The following ARHGAP44 variants were observed in gnomAD, a reference collection of about 807,000 sequenced individuals.
ARHGAP44 encodes rho GTPase-activating protein 44.
Under a neutral mutation model 106.8 loss-of-function variants are expected in ARHGAP44, and 43 were observed. The ratio of observed to expected loss-of-function variants is 0.40; its 90% confidence interval spans 0.32 to 0.52. ARHGAP44 has a LOEUF of 0.52. Among genes scored for constraint, ARHGAP44 ranks in the 20% least tolerant of loss-of-function variants. The pLI is 0.48. For synonymous variants in ARHGAP44, 439 were observed against 410.3 expected (o/e 1.07, Z -0.85); for missense variants, 866 against 1,050.5 (o/e 0.82, Z 2.43).
At chr17:12,794,968 A>G (rs1273218048) in intron 1 of ARHGAP44, among the ~76,000 whole-genome samples, 5 of 151,956 alleles carry the variant, frequency 3.3e-5, no homozygotes, top group African/African-American at 1.2e-4. Context: ...TAGGCCTTCT[A>G]AGAGCCGTGA....
chr17:12,812,802 C>T (rs1353854267), intron 1 of ARHGAP44, among the ~76,000 whole-genome samples: 1 of 152,206 alleles, frequency 6.6e-6, no homozygotes, highest in Non-Finnish European at 1.5e-5. Context: ...TTACTGAATG[C>T]ATGAGCTACT....
At chr17:12,898,148 C>T (rs1472512852) in intron 3 of ARHGAP44, among the ~76,000 whole-genome samples, 1 of 152,030 alleles carries the variant, frequency 6.6e-6, no homozygotes, top group Admixed American at 6.6e-5. Context: ...GGACTGTGGG[C>T]CAGAGCCTTT....
In ARHGAP44 at chr17:12,854,333, G is replaced by T. The variant is rs1048457598; in HGVS notation, c.54-40607G>T. On this transcript the variant is annotated intron_variant, in intron 1 of 20. Coordinates refer to ENST00000379672, the MANE Select transcript of ARHGAP44 (RefSeq NM_014859.6). ...GTTGTGGTCTTTTTTTCCCCAAAGC[G>T]TACCATACCCCTGAACTAAGTTAGA... Among the ~76,000 whole-genome samples, 4 of 152,050 alleles carry T rather than the reference G, an allele frequency of 2.6e-5. No homozygotes were observed. In the South Asian group the frequency reaches 8.3e-4, roughly 32 times the overall value.
intron 16 of ARHGAP44, among the ~76,000 whole-genome samples, chr17:12,970,749 A>G (rs1307852942): frequency 6.6e-6 from 1 of 152,196 alleles, no homozygotes; most frequent in Non-Finnish European, 1.5e-5. Context: ...CTGTTTCTTT[A>G]TGCAATAAAA....
chr17:12,896,676 C>T (rs976306515), intron 3 of ARHGAP44, among the ~76,000 whole-genome samples, 165 bp downstream of exon 3: 1 of 152,176 alleles, frequency 6.6e-6, no homozygotes, highest in African/African-American at 2.4e-5. Context: ...GGGGTAATGA[C>T]CCTCCCTACT....
chr17:12,812,616 A>G (rs2034472740), intron 1 of ARHGAP44, among the ~76,000 whole-genome samples: 1 of 152,190 alleles, frequency 6.6e-6, no homozygotes, highest in Non-Finnish European at 1.5e-5. Context: ...AACATGTTAT[A>G]TGTATTTGAC....
chr17:12,793,318 A>G (rs974168166), intron 1 of ARHGAP44, among the ~76,000 whole-genome samples: 1 of 152,240 alleles, frequency 6.6e-6, no homozygotes, highest in Non-Finnish European at 1.5e-5. Context: ...GCACTATGGC[A>G]TATGTACCTT....
chr17:12,960,119 T>C (rs2039222849), intron 16 of ARHGAP44, among the ~76,000 whole-genome samples: 1 of 152,200 alleles, frequency 6.6e-6, no homozygotes, highest in Non-Finnish European at 1.5e-5. Flanking sequence ...TTACTTCACC[T>C]ATCAGAGACA....
chr17:12,930,499 A>G (rs533847951), intron 7 of ARHGAP44, among the ~76,000 whole-genome samples: 1 of 152,134 alleles, frequency 6.6e-6, no homozygotes, highest in Non-Finnish European at 1.5e-5. Context: ...CGGCCTCACA[A>G]AGTGCTGGGA....
intron 1 of ARHGAP44, among the ~76,000 whole-genome samples, chr17:12,818,949 G>A (rs1396605955): frequency 1.3e-5 from 2 of 152,078 alleles, no homozygotes; most frequent in Non-Finnish European, 2.9e-5. Flanking sequence ...GATAGGCAAA[G>A]GAACTAGAGT....
chr17:12,854,823 T>G (rs879538731), intron 1 of ARHGAP44, among the ~76,000 whole-genome samples: 13 of 151,992 alleles, frequency 8.6e-5, no homozygotes, highest in Admixed American at 8.5e-4. Context: ...CCAGGCGTGG[T>G]GGCGCATGCC....
chr17:12,875,474 G>A (rs964655169), intron 1 of ARHGAP44, among the ~76,000 whole-genome samples: 3 of 151,864 alleles, frequency 2.0e-5, no homozygotes, highest in Non-Finnish European at 4.4e-5. Flanking sequence ...CGTGCCTGTA[G>A]TCCCCAGCTC....
rs563309798 is a variant in ARHGAP44, at chr17:12,990,799, A to G, written c.*628A>G. 2 of 152,360 alleles carry G rather than the reference A, an allele frequency of 1.3e-5. No homozygotes were observed. The highest frequency in any genetic ancestry group is 3.9e-4 in the East Asian group (2 of 5,178). 9.4% of individuals were successfully genotyped at this position (152,360 alleles called of 1,614,324 possible). ...AAACAAAAATGTTTCACTTCCTAAC[A>G]GTTTTCCTTTTTCCACTGTGTGACT... is the stretch of plus-strand genomic sequence containing the variant. On this transcript the variant is annotated 3_prime_UTR_variant, in exon 21 of 21. Coordinates refer to ENST00000379672, the MANE Select transcript of ARHGAP44 (RefSeq NM_014859.6).
At chr17:12,920,967 G>A (rs2038066828) in intron 6 of ARHGAP44, among the ~76,000 whole-genome samples, 1 of 152,168 alleles carries the variant, frequency 6.6e-6, no homozygotes, top group African/African-American at 2.4e-5. Context: ...GTGTATATAA[G>A]TTGAAAAAGG....
intron 6 of ARHGAP44, among the ~76,000 whole-genome samples, chr17:12,922,787 C>T (rs149485477): frequency 0.032 from 4,878 of 152,020 alleles, 245 homozygotes; most frequent in African/African-American, 0.11. Context: ...TTAGTATAGA[C>T]GGGGTTTCGC....
intron 16 of ARHGAP44, among the ~76,000 whole-genome samples, chr17:12,966,155 C>CAAA (rs34324286): frequency 0.1 from 11,675 of 116,402 alleles, 813 homozygotes; most frequent in African/African-American, 0.2. Context: ...CACGCTGTCT[C>CAAA]AAAAAAAAAA....
chr17:12,895,414 G>T (rs1036454051), intron 2 of ARHGAP44, among the ~76,000 whole-genome samples: 1 of 152,154 alleles, frequency 6.6e-6, no homozygotes, highest in African/African-American at 2.4e-5. Context: ...TCTCATTGCA[G>T]TTTTGATTTG....
intron 13 of ARHGAP44, among the ~76,000 whole-genome samples, 192 bp downstream of exon 13, chr17:12,952,773 G>T (rs537104642): frequency 7.7e-6 from 1 of 129,170 alleles, no homozygotes; most frequent in African/African-American, 3.0e-5. Context: ...TCACTGTGTC[G>T]CCCAGGCTGG....
intron 3 of ARHGAP44, among the ~76,000 whole-genome samples, chr17:12,898,607 A>C (rs2037284070): frequency 6.6e-6 from 1 of 152,200 alleles, no homozygotes; most frequent in Admixed American, 6.5e-5. Flanking sequence ...TTACAACTGT[A>C]ATGTGGCTGC....
Sources: allele counts gnomAD v4.1 joint callset (sites outside exome capture counted in the v4.1 genomes callset), GRCh38; gene constraint gnomAD v4.1.1; transcripts MANE v1.5; gene names NCBI Gene and HGNC (gene_info 2026-07-23, HGNC 2026-07-21).